The following KCNJ15 variants were observed in gnomAD, a reference collection of about 807,000 sequenced individuals.
The protein encoded by KCNJ15 is potassium inwardly rectifying channel subfamily J member 15, also known as ATP-sensitive inward rectifier potassium channel 15.
A neutral mutation model predicts 23.0 loss-of-function variants in KCNJ15; 14 were observed. The ratio of observed to expected loss-of-function variants is 0.61; its 90% confidence interval spans 0.40 to 0.95. The LOEUF (loss-of-function observed/expected upper bound fraction) is 0.95. Among genes scored for constraint, KCNJ15 ranks in the 40% least tolerant of loss-of-function variants. The pLI, the probability that KCNJ15 is intolerant of heterozygous loss-of-function variation, is 0.00. For missense variants in KCNJ15, 388 were observed against 461.8 expected (o/e 0.84, Z 1.46); for synonymous variants, 185 against 183.2 (o/e 1.01, Z -0.08).
intron 1 of KCNJ15, among the ~76,000 whole-genome samples, chr21:38,293,822 A>T (rs538683884): frequency 3.2e-4 from 48 of 152,354 alleles, no homozygotes; most frequent in African/African-American, 1.1e-3. Context: ...CACTTTGTCC[A>T]CCTTGCTTGT....
intron 2 of KCNJ15, chr21:38,298,248 T>TG (rs1985371723): frequency 6.6e-6 from 1 of 152,222 alleles, no homozygotes; most frequent in African/African-American, 2.4e-5. Context: ...GAGCGTTCCC[T>TG]GGGGCTGAGC....
At position 38,303,051 on chromosome 21, in the gene KCNJ15, G is replaced by A. The variant is rs1985908566; in HGVS notation, c.*2662G>A. On this transcript the variant is annotated 3_prime_UTR_variant, in exon 3 of 3. Coordinates refer to ENST00000398938, the MANE Select transcript of KCNJ15 (RefSeq NM_170736.3). Reference sequence around the variant, plus strand: ...CCTTAAGAGTGTCTCGTTTTTAAGAGTGTCTTAAAAACCAATATATGTATA... The same window carrying A: ...CCTTAAGAGTGTCTCGTTTTTAAGAATGTCTTAAAAACCAATATATGTATA... The A allele has an allele frequency of 6.6e-6, 1 of 152,010 alleles. No homozygotes were observed. Among genetic ancestry groups the A allele is most frequent in the Admixed American group, 6.6e-5 (1 of 15,256 alleles). 9.4% of individuals were successfully genotyped at this position (152,010 alleles called of 1,614,324 possible). A position where few individuals can be genotyped will look rare whatever the true frequency, so the allele number is the denominator to read the frequency against.
chr21:38,289,287 C>T (rs1425663540), intron 1 of KCNJ15, among the ~76,000 whole-genome samples: 1 of 151,760 alleles, frequency 6.6e-6, no homozygotes, highest in African/African-American at 2.4e-5. Context: ...ATTTATACCA[C>T]AGTCAGACAA....
At chr21:38,240,206 G>A (rs546183139) in intron 1 of KCNJ15, among the ~76,000 whole-genome samples, 1 of 152,162 alleles carries the variant, frequency 6.6e-6, no homozygotes, top group East Asian at 1.9e-4. Flanking sequence ...TCCCATCGTA[G>A]CATTGCAGGT....
At chr21:38,272,497 A>T (rs966456855) in intron 1 of KCNJ15, 1 of 152,284 alleles carries the variant, frequency 6.6e-6, no homozygotes, top group Non-Finnish European at 1.5e-5. Flanking sequence ...AGATCTCTTC[A>T]TCACTTCCCC....
intron 1 of KCNJ15, among the ~76,000 whole-genome samples, chr21:38,295,445 C>A (rs1324209510): frequency 6.6e-6 from 1 of 152,066 alleles, no homozygotes. Context: ...ACTCCAAGAA[C>A]AATTTTTATG....
At chr21:38,268,551 A>AAT (rs1981718147) in intron 1 of KCNJ15, among the ~76,000 whole-genome samples, 1 of 38,834 alleles carries the variant, frequency 2.6e-5, no homozygotes, top group Non-Finnish European at 5.5e-5. Context: ...TTAAAATCTG[A>AAT]AAAAAAAAAA....
In KCNJ15 at chr21:38,245,192, C is replaced by T. The variant is rs914175963; in HGVS notation, c.-398-11854C>T. On this transcript the variant is annotated intron_variant, in intron 1 of 4. Transcript: ENST00000547341. Reference sequence around the variant, plus strand: ...ACCTGGATTCTACGTCGGAGTTTACCGCATCCTGGTTCTATTCCCAAAGTC... The same window carrying T: ...ACCTGGATTCTACGTCGGAGTTTACTGCATCCTGGTTCTATTCCCAAAGTC... Among the ~76,000 whole-genome samples the T allele has an allele frequency of 4.6e-5, 7 of 152,038 alleles. No homozygotes were observed. The East Asian group carries it at 5.8e-4, about 13-fold the overall frequency.
At chr21:38,293,299 AC>A in intron 1 of KCNJ15, among the ~76,000 whole-genome samples, 1 of 152,122 alleles carries the variant, frequency 6.6e-6, no homozygotes, top group Non-Finnish European at 1.5e-5. Context: ...GATGATCCCG[AC>A]ACCTCTCTTC....
chr21:38,244,989 A>G (rs1979261658), intron 1 of KCNJ15, among the ~76,000 whole-genome samples: 1 of 152,096 alleles, frequency 6.6e-6, no homozygotes, highest in African/African-American at 2.4e-5. Context: ...TAGTTAACAC[A>G]TGGGTATTGT....
upstream of KCNJ15, among the ~76,000 whole-genome samples, chr21:38,256,360 T>TTATATA (rs56679003): frequency 0.041 from 4,317 of 106,168 alleles, 403 homozygotes; most frequent in African/African-American, 0.16. Flanking sequence ...TCTATTCAGC[T>TTATATA]TATATATATA....
intron 1 of KCNJ15, among the ~76,000 whole-genome samples, chr21:38,281,074 C>T (rs1360259523): frequency 6.6e-6 from 1 of 152,134 alleles, no homozygotes; most frequent in Admixed American, 6.5e-5. Flanking sequence ...AATGCAAATT[C>T]TCAGACCTAC....
chr21:38,230,492 C>T (rs1346948732), intron 1 of KCNJ15, among the ~76,000 whole-genome samples: 1 of 152,010 alleles, frequency 6.6e-6, no homozygotes, highest in African/African-American at 2.4e-5. Flanking sequence ...CTTCTTTTCA[C>T]TTTCCTGATT....
At chr21:38,277,543 G>A (rs570184113) in intron 1 of KCNJ15, among the ~76,000 whole-genome samples, 58 of 152,266 alleles carry the variant, frequency 3.8e-4, no homozygotes, top group Middle Eastern at 6.8e-3. Context: ...AGGGAGAAAA[G>A]CTGTATCTGA....
chr21:38,300,534 A>C lies in KCNJ15; in HGVS notation c.*145A>C, dbSNP rs1420573733. ...CATACAAAATCAATCTTTTCCTTTG[A>C]TCTTGTGGCTAAACCAGCATTTCTG... On this transcript the variant is annotated 3_prime_UTR_variant, in exon 3 of 3. Transcript: ENST00000398938. 1 of 668,070 alleles carries C rather than the reference A, an allele frequency of 1.5e-6. No individual in the cohort carries two copies. The highest frequency in any genetic ancestry group is 3.3e-5 in the Admixed American group (1 of 30,316). 41.4% of individuals were successfully genotyped at this position (668,070 alleles called of 1,614,324 possible).
At position 38,303,714 on chromosome 21, in the gene KCNJ15, A is replaced by C. The variant is rs537988472; in HGVS notation, c.*3325A>C. ...TTTTGTTGGATTTTTATTTGAATTA[A>C]ATTTCCCAATTTTTAATAGACTGTG... On this transcript the variant is annotated 3_prime_UTR_variant, in exon 3 of 3. Coordinates refer to ENST00000398938, the MANE Select transcript of KCNJ15 (RefSeq NM_170736.3). 2.0e-5 allele frequency: 3 copies of C among 152,346 alleles called. No individual in the cohort carries two copies. In the East Asian group the frequency reaches 5.8e-4, roughly 29 times the overall value. 9.4% of individuals were successfully genotyped at this position (152,346 alleles called of 1,614,324 possible). A position where few individuals can be genotyped will look rare whatever the true frequency, so the allele number is the denominator to read the frequency against.
intron 1 of KCNJ15, among the ~76,000 whole-genome samples, chr21:38,257,715 G>A (rs1980411810): frequency 1.3e-5 from 2 of 152,214 alleles, no homozygotes; most frequent in African/African-American, 4.8e-5. Flanking sequence ...ACGATCCTGA[G>A]TTTGGAAATA....
chr21:38,301,979 CAT>C lies in KCNJ15; in HGVS notation c.*1591_*1592del, dbSNP rs769641504. 1.4e-3 allele frequency: 212 copies of C among 154,760 alleles called. 1 individual carries two copies. Among genetic ancestry groups the C allele is most frequent in the African/African-American group, 4.3e-3 (174 of 40,532 alleles). 9.6% of individuals were successfully genotyped at this position (154,760 alleles called of 1,614,324 possible). A position where few individuals can be genotyped will look rare whatever the true frequency, so the allele number is the denominator to read the frequency against. ...ACAGTCACACACGCACACACACACA[CAT>C]GCACACACGCGCGTGCACACACGCA... On this transcript the variant is annotated 3_prime_UTR_variant, in exon 3 of 3. Coordinates refer to ENST00000398938, the MANE Select transcript of KCNJ15 (RefSeq NM_170736.3).
chr21:38,230,336 A>G (rs945295430), intron 1 of KCNJ15, among the ~76,000 whole-genome samples: 13 of 152,130 alleles, frequency 8.5e-5, no homozygotes, highest in East Asian at 7.7e-4. Context: ...CTTTGGGTAA[A>G]TGTCTATTTA....
Sources: allele counts gnomAD v4.1 joint callset (sites outside exome capture counted in the v4.1 genomes callset), GRCh38; gene constraint gnomAD v4.1.1; transcripts MANE v1.5; gene names NCBI Gene and HGNC (gene_info 2026-07-23, HGNC 2026-07-21).